SEC24B: variants seen among roughly 807,000 people sequenced by gnomAD.
SEC24B encodes protein transport protein Sec24B.
A neutral mutation model predicts 142.8 loss-of-function variants in SEC24B; 45 were observed. That is an observed-to-expected ratio of 0.32 (90% confidence interval 0.25 to 0.40). SEC24B has a LOEUF of 0.40. Ranked by LOEUF, SEC24B falls within the 10% of genes least tolerant of loss-of-function variation. The pLI is 1.00. For synonymous variants in SEC24B, 574 were observed against 568.2 expected, an observed-to-expected ratio of 1.01 and a Z score of -0.15; for missense variants, 1,409 against 1,526.8, an observed-to-expected ratio of 0.92 and a Z score of 1.29.
chr4:109,471,889 G>T (rs1218307938), intron 2 of SEC24B, among the ~76,000 whole-genome samples: 3 of 152,130 alleles, frequency 2.0e-5, no homozygotes, highest in African/African-American at 7.2e-5. Flanking sequence ...ATTAAAGCCA[G>T]TCACAGGGTT....
chr4:109,483,375 G>A (rs780822054), intron 4 of SEC24B, among the ~76,000 whole-genome samples: 12 of 151,886 alleles, frequency 7.9e-5, no homozygotes, highest in African/African-American at 2.9e-4. Flanking sequence ...CACAGTGCCC[G>A]GCCTTGTGCA....
intron 6 of SEC24B, among the ~76,000 whole-genome samples, chr4:109,500,492 C>T (rs760480009): frequency 5.7e-5 from 8 of 141,160 alleles, no homozygotes; most frequent in Non-Finnish European, 1.2e-4. Flanking sequence ...TGCAGTGAGC[C>T]AAAATTGCAG....
At chr4:109,516,098 A>G (rs758004598) in intron 10 of SEC24B, among the ~76,000 whole-genome samples, 3 of 152,142 alleles carry the variant, frequency 2.0e-5, no homozygotes, top group Admixed American at 6.5e-5. Context: ...TTCTTTACAC[A>G]TAGCACTTAA....
At chr4:109,478,080 G>A (rs1012214491) in intron 3 of SEC24B, among the ~76,000 whole-genome samples, 2 of 152,074 alleles carry the variant, frequency 1.3e-5, no homozygotes, top group South Asian at 2.1e-4. Flanking sequence ...TCAGGACTTC[G>A]AGACCAGTCT....
intron 1 of SEC24B, among the ~76,000 whole-genome samples, chr4:109,442,187 G>C (rs956459666): frequency 3.9e-5 from 6 of 152,074 alleles, no homozygotes; most frequent in African/African-American, 1.4e-4. Context: ...TCAGTAATCA[G>C]TACTGTGTAT....
At chr4:109,476,650 GTT>G (rs1733178037) in intron 3 of SEC24B, among the ~76,000 whole-genome samples, 12 of 151,948 alleles carry the variant, frequency 7.9e-5, no homozygotes, top group African/African-American at 2.7e-4. Flanking sequence ...AGAAATTATT[GTT>G]TGTTAGATTT....
chr4:109,504,755 A>T (rs571137941), intron 6 of SEC24B, among the ~76,000 whole-genome samples: 72 of 152,250 alleles, frequency 4.7e-4, no homozygotes, highest in East Asian at 9.7e-4. Context: ...TAGTGGCTTT[A>T]TCATCTGTTG....
In SEC24B at chr4:109,449,650, AT is replaced by A. The variant is rs201159115; in HGVS notation, c.134-13250del. 74 of 388,298 alleles carry A rather than the reference AT, an allele frequency of 1.9e-4. 1 individual carries two copies. The East Asian group carries it at 4.8e-3, about 25-fold the overall frequency. The allele number at this position is 388,298 out of a possible 1,614,324, so 24.1% of individuals were successfully genotyped here. On this transcript the variant is annotated intron_variant, in intron 1 of 23. Transcript: ENST00000265175. ...TGTGCTCACATGGCCTTTTCTTGGT[AT>A]GTGCACGTAGAGAGATCTCTCTCTT...
intron 6 of SEC24B, among the ~76,000 whole-genome samples, chr4:109,500,452 G>A (rs1461718057): frequency 6.6e-6 from 1 of 150,918 alleles, no homozygotes. Flanking sequence ...GCTGAAGCAG[G>A]AGAATTGCTT....
chr4:109,508,235 G>A (rs751492214), intron 7 of SEC24B, among the ~76,000 whole-genome samples: 1 of 152,126 alleles, frequency 6.6e-6, no homozygotes, highest in African/African-American at 2.4e-5. Flanking sequence ...TTATGACCTT[G>A]TAGTATAAAA....
chr4:109,467,218 C>G (rs1031241608), intron 2 of SEC24B, among the ~76,000 whole-genome samples: 1 of 147,722 alleles, frequency 6.8e-6, no homozygotes, highest in South Asian at 2.2e-4. Context: ...CCCAGCTACT[C>G]GGGAGGCTGA....
chr4:109,467,506 G>C (rs1232417551), intron 2 of SEC24B, among the ~76,000 whole-genome samples: 1 of 152,072 alleles, frequency 6.6e-6, no homozygotes, highest in Non-Finnish European at 1.5e-5. Flanking sequence ...ACCTAGTATA[G>C]AATTGTAATA....
At chr4:109,515,940 C>T (rs886560495) in intron 10 of SEC24B, among the ~76,000 whole-genome samples, 3 of 150,980 alleles carry the variant, frequency 2.0e-5, no homozygotes, top group Non-Finnish European at 4.4e-5. Context: ...CCCAGCTACT[C>T]AGGAGGCTGA....
intron 1 of SEC24B, among the ~76,000 whole-genome samples, chr4:109,454,357 G>T (rs1730443721): frequency 6.6e-6 from 1 of 151,798 alleles, no homozygotes; most frequent in Non-Finnish European, 1.5e-5. Context: ...TGGCCAACAT[G>T]ATGAAACCCT....
Position 109,491,355 on chromosome 4 carries a change from T to C in SEC24B, c.1194T>C (p.Ser398=), listed in dbSNP as rs981757121. 5 of 1,613,636 alleles carry C rather than the reference T, an allele frequency of 3.1e-6. No individual in the cohort carries two copies. In the African/African-American group the frequency reaches 6.7e-5, roughly 22 times the overall value. Residue 398 remains serine, a synonymous_variant, in exon 5 of 24, where the codon AGT becomes AGC. Coordinates refer to ENST00000265175, the MANE Select transcript of SEC24B (RefSeq NM_006323.5). Reference sequence around the variant, plus strand: ...TTGACAGCTCTTCTACCACAAGCAGTGCTTCTCCAATGCCCAACAGTTATG... The same window carrying C: ...TTGACAGCTCTTCTACCACAAGCAGCGCTTCTCCAATGCCCAACAGTTATG... ...AGVDSSSTTS[S]ASPMPNSYDA...
At chr4:109,486,951 G>A (rs974610632) in intron 4 of SEC24B, among the ~76,000 whole-genome samples, 60 of 152,108 alleles carry the variant, frequency 3.9e-4, no homozygotes, top group African/African-American at 1.4e-3. Flanking sequence ...GATCACCTGA[G>A]GTCAGGAGTT....
At chr4:109,485,568 C>A (rs1457074900) in intron 4 of SEC24B, among the ~76,000 whole-genome samples, 1 of 152,058 alleles carries the variant, frequency 6.6e-6, no homozygotes, top group African/African-American at 2.4e-5. Context: ...TTACTATAAT[C>A]TTAGTGTTCT....
chr4:109,532,612 A>C (rs771901025), intron 20 of SEC24B, 27 bp from the exon 21 acceptor site: 2 of 1,533,548 alleles, frequency 1.3e-6, no homozygotes, highest in Non-Finnish European at 1.8e-6. Context: ...ATGTAATCTC[A>C]TTCACATTCT....
chr4:109,488,177 A>C (rs1734583380), intron 4 of SEC24B, among the ~76,000 whole-genome samples: 1 of 152,156 alleles, frequency 6.6e-6, no homozygotes, highest in Non-Finnish European at 1.5e-5. Flanking sequence ...TAGCATATTC[A>C]CAAAGTAGCA....
Sources: allele counts gnomAD v4.1 joint callset (sites outside exome capture counted in the v4.1 genomes callset), GRCh38; gene constraint gnomAD v4.1.1; transcripts MANE v1.5; gene names NCBI Gene and HGNC (gene_info 2026-07-23, HGNC 2026-07-21).